CFTR: variants seen among roughly 807,000 people sequenced by gnomAD.
CFTR encodes cystic fibrosis transmembrane conductance regulator.
A neutral mutation model predicts 171.6 loss-of-function variants in CFTR; 181 were observed. That is an observed-to-expected ratio of 1.05 (90% CI 0.93 to 1.19). The LOEUF (loss-of-function observed/expected upper bound fraction) is 1.19. Ranked by LOEUF, CFTR falls within the 50% of genes most tolerant of loss-of-function variation. The probability of loss-of-function intolerance (pLI) is 0.00; values close to 1 mark genes in which losing one functional copy is unlikely to be tolerated. For missense variants in CFTR, 1,968 were observed against 1,734.7 expected (o/e 1.13, Z -2.39); for synonymous variants, 583 against 608.0 (o/e 0.96, Z 0.60).
chr7:117,642,386 T>C, intron 22 of CFTR, 52 bp from the exon 23 acceptor site: 1 of 1,496,612 alleles, frequency 6.7e-7, no homozygotes, highest in Non-Finnish European at 9.3e-7. Flanking sequence ...ATTATGTTTA[T>C]GGCATGGTAC....
intron 6 of CFTR, 97 bp downstream of exon 6, chr7:117,535,508 A>C: frequency 1.2e-6 from 1 of 857,748 alleles, no homozygotes; most frequent in Non-Finnish European, 1.9e-6. Flanking sequence ...TAGAACAGTG[A>C]TCTTCAGTGT....
intron 3 of CFTR, among the ~76,000 whole-genome samples, chr7:117,512,180 A>C (rs1479061245): frequency 6.6e-6 from 1 of 152,222 alleles, no homozygotes; most frequent in Non-Finnish European, 1.5e-5. Flanking sequence ...AGGTTAAAAA[A>C]AAGGAGGTGC....
chr7:117,583,705 G>A (rs1460643095), intron 11 of CFTR, among the ~76,000 whole-genome samples: 1 of 151,906 alleles, frequency 6.6e-6, no homozygotes, highest in African/African-American at 2.4e-5. Flanking sequence ...TGGGACTGCT[G>A]GATCGAATGG....
chr7:117,494,353 C>G (rs1562879947), intron 1 of CFTR, among the ~76,000 whole-genome samples: 1 of 151,974 alleles, frequency 6.6e-6, no homozygotes, highest in South Asian at 2.1e-4. Flanking sequence ...AGTGAGAGGT[C>G]ATTACATCAT....
At chr7:117,593,652 A>G (rs1471689619) in intron 14 of CFTR, among the ~76,000 whole-genome samples, 2 of 151,982 alleles carry the variant, frequency 1.3e-5, no homozygotes, top group Admixed American at 6.6e-5. Context: ...CTGGAGTGCA[A>G]TGGTGCAACC....
intron 1 of CFTR, among the ~76,000 whole-genome samples, chr7:117,484,033 G>T (rs927655149): frequency 6.6e-6 from 1 of 152,166 alleles, no homozygotes; most frequent in Non-Finnish European, 1.5e-5. Flanking sequence ...AATTCATCAT[G>T]ATGATTTTGT....
intron 1 of CFTR, among the ~76,000 whole-genome samples, chr7:117,496,188 G>A (rs148422231): frequency 3.7e-4 from 57 of 152,042 alleles, no homozygotes; most frequent in East Asian, 2.9e-3. Context: ...CTGTTGTAGC[G>A]TGTATCAGTG....
At chr7:117,502,079 C>T (rs1016570002) in intron 1 of CFTR, among the ~76,000 whole-genome samples, 11 of 152,126 alleles carry the variant, frequency 7.2e-5, no homozygotes, top group Admixed American at 5.9e-4. Flanking sequence ...TTTTGTTTTC[C>T]GGAGAGGGGA....
intron 10 of CFTR, among the ~76,000 whole-genome samples, chr7:117,550,434 G>A (rs1278888841): frequency 1.3e-5 from 2 of 151,704 alleles, no homozygotes; most frequent in East Asian, 3.9e-4. Context: ...CAAAATAGCT[G>A]GAATTGTGCA....
At chr7:117,570,077 C>T (rs1791664887) in intron 11 of CFTR, among the ~76,000 whole-genome samples, 1 of 151,762 alleles carries the variant, frequency 6.6e-6, no homozygotes, top group African/African-American at 2.4e-5. Flanking sequence ...GTGTCATAAG[C>T]TACTCCTTCA....
At chr7:117,634,722 GA>G (rs1445229326) in intron 22 of CFTR, among the ~76,000 whole-genome samples, 2 of 151,988 alleles carry the variant, frequency 1.3e-5, no homozygotes, top group African/African-American at 4.8e-5. Context: ...GTGTTACTTA[GA>G]AGTGTGTTGT....
At chr7:117,614,564 G>A (rs1792454191) in intron 20 of CFTR, 49 bp from the exon 21 acceptor site, 1 of 1,209,630 alleles carries the variant, frequency 8.3e-7, no homozygotes. Flanking sequence ...GTCGTTCACA[G>A]AAGAGAGAAA....
intron 2 of CFTR, among the ~76,000 whole-genome samples, chr7:117,507,209 A>T (rs2116638793): frequency 6.6e-6 from 1 of 152,320 alleles, no homozygotes; most frequent in Middle Eastern, 3.4e-3. Context: ...TGTGGCACCA[A>T]GTTGTTCAAG....
At chr7:117,549,783 A>G (rs1799237720) in intron 10 of CFTR, among the ~76,000 whole-genome samples, 1 of 152,122 alleles carries the variant, frequency 6.6e-6, no homozygotes. Context: ...TCTAAGACAA[A>G]CAGAAAAAGA....
intron 22 of CFTR, among the ~76,000 whole-genome samples, chr7:117,638,631 G>A (rs1792865558): frequency 6.6e-6 from 1 of 151,916 alleles, no homozygotes; most frequent in Admixed American, 6.6e-5. Context: ...AGCTACTAGG[G>A]AAGCTAAGGC....
intron 12 of CFTR, among the ~76,000 whole-genome samples, chr7:117,589,803 T>C (rs776718281): frequency 5.9e-5 from 9 of 152,036 alleles, no homozygotes; most frequent in Non-Finnish European, 1.2e-4. Context: ...AGAAAAACAT[T>C]TTAAAAATAA....
chr7:117,618,396 G>A (rs951806853), intron 21 of CFTR, among the ~76,000 whole-genome samples: 3 of 151,856 alleles, frequency 2.0e-5, no homozygotes, highest in Non-Finnish European at 4.4e-5. Flanking sequence ...CACAAGAATC[G>A]CTTGAACCTG....
chr7:117,532,652 G>C (rs1183726230), intron 4 of CFTR, among the ~76,000 whole-genome samples: 1 of 152,170 alleles, frequency 6.6e-6, no homozygotes, highest in Non-Finnish European at 1.5e-5. Flanking sequence ...ATGTCCATAT[G>C]TAACATTTAG....
chr7:117,509,770 G>A (rs1798486157), intron 3 of CFTR, among the ~76,000 whole-genome samples: 1 of 152,082 alleles, frequency 6.6e-6, no homozygotes, highest in Non-Finnish European at 1.5e-5. Context: ...TGTCCAATGT[G>A]ACTCTGATTT....
Sources: gnomAD v4.1 joint callset for allele counts (sites outside exome capture counted in the v4.1 genomes callset) on GRCh38, gnomAD v4.1.1 for gene constraint, MANE v1.5 for transcripts, NCBI Gene and HGNC (gene_info 2026-07-23, HGNC 2026-07-21) for gene names.